RAPGEF5: variants seen among roughly 807,000 people sequenced by gnomAD.
RAPGEF5 encodes the protein Rap guanine nucleotide exchange factor 5.
Under a neutral mutation model 125.2 loss-of-function variants are expected in RAPGEF5, and 65 were observed. The ratio of observed to expected loss-of-function variants is 0.52; its 90% CI spans 0.43 to 0.64. The LOEUF is 0.64. Among genes scored for constraint, RAPGEF5 ranks in the 30% least tolerant of loss-of-function variants. The probability of loss-of-function intolerance (pLI) is 0.00; values close to 1 mark genes in which losing one functional copy is unlikely to be tolerated. For missense variants in RAPGEF5, 958 were observed against 1,048.1 expected, an observed-to-expected ratio of 0.91 and a Z score of 1.19; for synonymous variants, 391 against 385.9, an observed-to-expected ratio of 1.01 and a Z score of -0.16.
At chr7:22,132,571 G>A (rs1782948129) in intron 23 of RAPGEF5, among the ~76,000 whole-genome samples, 1 of 152,184 alleles carries the variant, frequency 6.6e-6, no homozygotes, top group African/African-American at 2.4e-5. Context: ...CCTTTTCTGT[G>A]TAGCAAATGC....
intron 11 of RAPGEF5, among the ~76,000 whole-genome samples, chr7:22,184,420 ATTGT>A (rs1483442556): frequency 6.6e-6 from 1 of 152,234 alleles, no homozygotes; most frequent in Non-Finnish European, 1.5e-5. Flanking sequence ...TCATGCTGAA[ATTGT>A]TTGTAAAATT....
chr7:22,212,142 T>C (rs917416953), intron 9 of RAPGEF5, among the ~76,000 whole-genome samples: 1 of 151,960 alleles, frequency 6.6e-6, no homozygotes, highest in Non-Finnish European at 1.5e-5. Flanking sequence ...CCTGGCTAAT[T>C]TTTTGTATTT....
intron 9 of RAPGEF5, among the ~76,000 whole-genome samples, chr7:22,204,172 C>T (rs555046063): frequency 6.6e-6 from 1 of 152,274 alleles, no homozygotes; most frequent in East Asian, 1.9e-4. Context: ...TGACTGGTTC[C>T]TATGGCTTTG....
chr7:22,272,942 T>C lies in RAPGEF5; in HGVS notation c.748-5930A>G, dbSNP rs375135954. On this transcript the variant is annotated intron_variant, in intron 6 of 25. Coordinates refer to ENST00000665637, the MANE Select transcript of RAPGEF5 (RefSeq NM_012294.5). ...CAGCTAATTTGTTTGTATGTTTTTG[T>C]ACAGATGGGGTTTCACCATGTTGTC... Among the ~76,000 whole-genome samples the C allele has an allele frequency of 6.6e-5, 10 of 151,586 alleles. No individual in the cohort carries two copies. The East Asian group carries it at 1.8e-3, about 27-fold the overall frequency.
rs1347270248 is a variant in RAPGEF5 at position 22,119,530 on chromosome 7, G to A, written c.*2876C>T. ...AAACAAAATTTTTTTTAATAGCAAG[G>A]TTGTGATTTTGCCTACGGGGTCCTG... On this transcript the variant is annotated 3_prime_UTR_variant, in exon 26 of 26. Transcript: ENST00000665637. This position sits in a 1 kb window ranked among gnomAD's most constrained non-coding sequence, Gnocchi z 4.1. 1 of 152,130 alleles carries A rather than the reference G, an allele frequency of 6.6e-6. No individual in the cohort carries two copies. The highest frequency in any genetic ancestry group is 1.5e-5 in the Non-Finnish European group (1 of 68,028). 9.4% of individuals were successfully genotyped at this position (152,130 alleles called of 1,614,324 possible).
chr7:22,233,852 A>G (rs1786120993), intron 7 of RAPGEF5, among the ~76,000 whole-genome samples: 1 of 152,198 alleles, frequency 6.6e-6, no homozygotes, highest in South Asian at 2.1e-4. Context: ...TTATTGTCAC[A>G]TCTTTAAAGA....
At chr7:22,192,952 T>C (rs1239070717) in intron 11 of RAPGEF5, 8 of 204,182 alleles carry the variant, frequency 3.9e-5, no homozygotes, top group Admixed American at 1.6e-4. Context: ...CATTAATTGT[T>C]GACATTTCAG....
At chr7:22,300,717 G>A (rs1300098882) in intron 5 of RAPGEF5, among the ~76,000 whole-genome samples, 1 of 152,154 alleles carries the variant, frequency 6.6e-6, no homozygotes, top group Non-Finnish European at 1.5e-5. Flanking sequence ...CAGACTAGCT[G>A]GGGCTCCTCT....
intron 5 of RAPGEF5, among the ~76,000 whole-genome samples, chr7:22,299,132 T>C (rs1219147294): frequency 6.6e-6 from 1 of 152,130 alleles, no homozygotes; most frequent in African/African-American, 2.4e-5. Context: ...AGTTTGTTTT[T>C]CTTTGGCTAG....
At chr7:22,213,734 A>G (rs1447325920) in intron 9 of RAPGEF5, among the ~76,000 whole-genome samples, 3 of 152,214 alleles carry the variant, frequency 2.0e-5, no homozygotes, top group African/African-American at 7.2e-5. Flanking sequence ...TGAATTGCCT[A>G]TTATACCCTA....
chr7:22,308,681 C>T (rs1562521626), intron 4 of RAPGEF5, among the ~76,000 whole-genome samples, 174 bp from the exon 5 acceptor site: 1 of 152,172 alleles, frequency 6.6e-6, no homozygotes, highest in Non-Finnish European at 1.5e-5. Context: ...AAAGGACTTA[C>T]TGACTAGTCT....
chr7:22,304,177 A>G (rs1783278159), intron 5 of RAPGEF5, among the ~76,000 whole-genome samples: 1 of 146,400 alleles, frequency 6.8e-6, no homozygotes, highest in Non-Finnish European at 1.5e-5. Flanking sequence ...GGTAGTATTG[A>G]AAAAAAAAAG....
chr7:22,337,926 C>A (rs1731462834), intron 1 of RAPGEF5, among the ~76,000 whole-genome samples: 1 of 152,206 alleles, frequency 6.6e-6, no homozygotes, highest in African/African-American at 2.4e-5. Flanking sequence ...AATCAAAGTA[C>A]CTATATGCAA....
chr7:22,224,220 T>A (rs1230824119), intron 8 of RAPGEF5, among the ~76,000 whole-genome samples: 1 of 152,324 alleles, frequency 6.6e-6, no homozygotes, highest in East Asian at 1.9e-4. Context: ...GTCAGGATTT[T>A]AATGCAGTCC....
At chr7:22,247,454 G>T (rs1786506539) in intron 7 of RAPGEF5, among the ~76,000 whole-genome samples, 1 of 152,110 alleles carries the variant, frequency 6.6e-6, no homozygotes, top group South Asian at 2.1e-4. Context: ...TGTTGTTTGT[G>T]ACAGTAAATA....
chr7:22,147,122 C>A (rs1783466209), intron 18 of RAPGEF5, 103 bp from the exon 19 acceptor site: 3 of 1,400,420 alleles, frequency 2.1e-6, no homozygotes, highest in Non-Finnish European at 2.9e-6. Flanking sequence ...GCAAAGTAAT[C>A]TTTTCTGAGT....
chr7:22,131,152 G>A, intron 23 of RAPGEF5, 51 bp from the exon 24 acceptor site: 1 of 1,491,982 alleles, frequency 6.7e-7, no homozygotes, highest in Non-Finnish European at 8.9e-7. Context: ...TGGATCATGA[G>A]TCAGGGCTGA....
intron 5 of RAPGEF5, among the ~76,000 whole-genome samples, chr7:22,294,866 G>A (rs574477699): frequency 6.6e-6 from 1 of 152,260 alleles, no homozygotes; most frequent in South Asian, 2.1e-4. Context: ...ATGACTTCCC[G>A]TCTCACTTAG....
intron 5 of RAPGEF5, among the ~76,000 whole-genome samples, chr7:22,303,301 G>C (rs1783255563): frequency 6.6e-6 from 1 of 152,134 alleles, no homozygotes; most frequent in South Asian, 2.1e-4. Context: ...CCCAGAGATA[G>C]TACCCTTGAC....
Sources: allele counts gnomAD v4.1 joint callset (sites outside exome capture counted in the v4.1 genomes callset), GRCh38; gene constraint gnomAD v4.1.1; non-coding constraint Gnocchi (gnomAD v3.1); transcripts MANE v1.5; gene names NCBI Gene and HGNC (gene_info 2026-07-23, HGNC 2026-07-21).